Variants in HEPACAM observed in about 807,000 individuals in gnomAD.
The protein encoded by HEPACAM is hepatic and glial cell adhesion molecule, also known as hepatocyte cell adhesion molecule.
In HEPACAM, 18 loss-of-function variants were observed where a neutral mutation model predicts 38.3. The observed-to-expected ratio is 0.47, with a 90% CI of 0.33 to 0.70. HEPACAM has a LOEUF of 0.70. Ranked by LOEUF, HEPACAM falls within the 30% of genes least tolerant of loss-of-function variation. The pLI, the probability that HEPACAM is intolerant of heterozygous loss-of-function variation, is 0.03. For missense variants in HEPACAM, 466 were observed against 563.0 expected (o/e 0.83, Z 1.74); for synonymous variants, 216 against 243.1 (o/e 0.89, Z 1.04).
At chr11:124,935,009 C>G (rs2135409270) in intron 1 of HEPACAM, among the ~76,000 whole-genome samples, 1 of 152,232 alleles carries the variant, frequency 6.6e-6, no homozygotes, top group African/African-American at 2.4e-5. Flanking sequence ...AGCTGTTGAC[C>G]TTTGCTCATT....
chr11:124,922,847 C>T (rs752375423), intron 4 of HEPACAM, 29 bp from the exon 5 acceptor site: 6 of 1,611,826 alleles, frequency 3.7e-6, no homozygotes, highest in Non-Finnish European at 3.4e-6. Context: ...CCACTATGAG[C>T]CGAATTATTG....
At chr11:124,931,812 G>A (rs1357691335) in intron 1 of HEPACAM, among the ~76,000 whole-genome samples, 2 of 152,204 alleles carry the variant, frequency 1.3e-5, no homozygotes, top group Non-Finnish European at 2.9e-5. Flanking sequence ...AAGCCCCGAT[G>A]GGGCTAAGTT....
rs958335863 is a variant in HEPACAM, at chr11:124,920,585, C to T, written c.*553G>A. 1.6e-6 allele frequency: 2 copies of T among 1,230,520 alleles called. No homozygotes were observed. The highest frequency in any genetic ancestry group is 1.6e-5 in the African/African-American group (1 of 62,916). 76.2% of individuals were successfully genotyped at this position (1,230,520 alleles called of 1,614,324 possible). A position where few individuals can be genotyped will look rare whatever the true frequency, so the allele number is the denominator to read the frequency against. ...TCACAATGATCCCCCCAGCTCAGAA[C>T]AGCCCCTGCACACCCAGTAACCGGC... On this transcript the variant is annotated 3_prime_UTR_variant, in exon 7 of 7. Transcript: ENST00000298251.
rs886047925 is a variant in HEPACAM, at chr11:124,920,678, C to CGGA, written c.*459_*460insTCC. 4.0e-4 allele frequency: 228 copies of CGGA among 575,198 alleles called. 2 individuals carry two copies. The African/African-American group carries it at 7.9e-3, about 20-fold the overall frequency. 35.6% of individuals were successfully genotyped at this position (575,198 alleles called of 1,614,324 possible). ...AAGTGGCCTCTCTAATCTGAACTTGCAAAAAAAAAAAAAAAAAAAAAAAAA... is the reference window on the plus strand; with the variant it reads ...AAGTGGCCTCTCTAATCTGAACTTGCGGAAAAAAAAAAAAAAAAAAAAAAAAAA... On this transcript the variant is annotated 3_prime_UTR_variant, in exon 7 of 7. Transcript: ENST00000298251.
intron 1 of HEPACAM, among the ~76,000 whole-genome samples, chr11:124,925,975 C>A (rs1478290727): frequency 6.6e-6 from 1 of 152,140 alleles, no homozygotes; most frequent in African/African-American, 2.4e-5. Context: ...CCAAGATGGG[C>A]AGATCACCTG....
intron 1 of HEPACAM, among the ~76,000 whole-genome samples, chr11:124,925,887 T>G (rs962862965): frequency 1.3e-5 from 2 of 152,196 alleles, no homozygotes; most frequent in Non-Finnish European, 2.9e-5. Context: ...TACTCATTCT[T>G]CTCATTTGTA....
At chr11:124,927,939 C>A (rs1947238146) in intron 1 of HEPACAM, among the ~76,000 whole-genome samples, 1 of 152,110 alleles carries the variant, frequency 6.6e-6, no homozygotes, top group South Asian at 2.1e-4. Flanking sequence ...GAAGAGACAG[C>A]TCTACTGATT....
At position 124,919,846 on chromosome 11, in the gene HEPACAM, AAGG is replaced by A. The variant is rs527377754; in HGVS notation, c.*1289_*1291del. 2,141 of 1,614,136 alleles carry A rather than the reference AAGG, an allele frequency of 1.3e-3. 2 individuals carry two copies. The highest frequency in any genetic ancestry group is 1.7e-3 in the Non-Finnish European group (2,018 of 1,179,996). On this transcript the variant is annotated 3_prime_UTR_variant, in exon 7 of 7. Coordinates refer to ENST00000298251, the MANE Select transcript of HEPACAM (RefSeq NM_152722.5). ...GGATGCAAGGACCCTTGGAGGCATT[AAGG>A]AGGAGGGAATGGAATACACAGAGGG...
At chr11:124,934,420 G>A (rs1192028810) in intron 1 of HEPACAM, among the ~76,000 whole-genome samples, 1 of 150,856 alleles carries the variant, frequency 6.6e-6, no homozygotes, top group Non-Finnish European at 1.5e-5. Context: ...TTGGCAATGG[G>A]GTCACTGCAG....
At chr11:124,926,849 G>C (rs761745167) in intron 1 of HEPACAM, among the ~76,000 whole-genome samples, 22 of 152,018 alleles carry the variant, frequency 1.4e-4, no homozygotes, top group Non-Finnish European at 2.6e-4. Context: ...CGAAAAGGTT[G>C]GTGGTGAAGA....
rs1198557478 is a variant in HEPACAM at position 124,921,090 on chromosome 11, G to T, written c.*48C>A. The T allele has an allele frequency of 6.6e-7, 1 of 1,512,538 alleles. No individual in the cohort carries two copies. Among genetic ancestry groups the T allele is most frequent in the African/African-American group, 1.4e-5 (1 of 70,656 alleles). 93.7% of individuals were successfully genotyped at this position (1,512,538 alleles called of 1,614,324 possible). On this transcript the variant is annotated 3_prime_UTR_variant, in exon 7 of 7. Coordinates refer to ENST00000298251, the MANE Select transcript of HEPACAM (RefSeq NM_152722.5). This position sits in a 1 kb window ranked among gnomAD's most constrained non-coding sequence, Gnocchi z 4.6. ...CTTCCCAGCCCCAGCTTTCCCCCGG[G>T]CCACTGGCCGCAGACCGCGGGCGCC...
intron 1 of HEPACAM, among the ~76,000 whole-genome samples, chr11:124,933,233 G>A (rs146633621): frequency 1.7e-4 from 26 of 151,846 alleles, no homozygotes; most frequent in East Asian, 9.7e-4. Flanking sequence ...GTGCAGTGAC[G>A]TGATCATGGC....
In HEPACAM at chr11:124,919,938, A is replaced by G. The variant is rs758177602; in HGVS notation, c.*1200T>C. 1 of 1,613,948 alleles carries G rather than the reference A, an allele frequency of 6.2e-7. No homozygotes were observed. Among genetic ancestry groups the G allele is most frequent in the Non-Finnish European group, 8.5e-7 (1 of 1,179,982 alleles). On this transcript the variant is annotated 3_prime_UTR_variant, in exon 7 of 7. Coordinates refer to ENST00000298251, the MANE Select transcript of HEPACAM (RefSeq NM_152722.5). ...CACACAGTAGATTACTGCCACTCCT[A>G]TGAACTGTTCAATAGGCGGTGGCAT... is the stretch of plus-strand genomic sequence containing the variant.
intron 1 of HEPACAM, among the ~76,000 whole-genome samples, chr11:124,929,504 C>T (rs185301463): frequency 2.7e-4 from 41 of 152,170 alleles, no homozygotes; most frequent in African/African-American, 6.5e-4. Flanking sequence ...AGCCAAAGCA[C>T]GACACAGAAA....
At position 124,924,165 on chromosome 11, in the gene HEPACAM, C is replaced by A. The variant is rs892360293; in HGVS notation, c.428-155G>T. Among the ~76,000 whole-genome samples, 10 of 152,250 alleles carry A rather than the reference C, an allele frequency of 6.6e-5. No homozygotes were observed. The highest frequency in any genetic ancestry group is 6.5e-4 in the Admixed American group (10 of 15,292). ...TCAGACATCCTAAGTCCAGTTCTTT[C>A]CCATCGCTTATTCATTCGTTTCACT... On this transcript the variant is annotated intron_variant, in intron 2 of 6. Transcript: ENST00000298251. The surrounding 1 kb of genome is among the most constrained non-coding windows in gnomAD (Gnocchi z 4.4).
Position 124,924,752 on chromosome 11 carries a change from T to A in HEPACAM, c.403A>T (p.Lys135Ter). Residue 135 changes from lysine to a stop codon, truncating the protein, a stop_gained, in exon 2 of 7, where the codon AAG becomes TAG. Transcript: ENST00000298251. LOFTEE classifies it high-confidence loss of function. The surrounding 1 kb of genome is among the most constrained non-coding windows in gnomAD (Gnocchi z 4.4). ...CCATCTACAGTAAGGTTGATGGTCT[T>A]CTCCCCAGTGAAGGTGTCGTCGGTG... The part of the protein sequence containing the change: ...SITDDTFTGE[K>*]TINLTVDVPI... 1 of 1,614,086 alleles carries A rather than the reference T, an allele frequency of 6.2e-7. No homozygotes were observed. The highest frequency in any genetic ancestry group is 8.5e-7 in the Non-Finnish European group (1 of 1,179,990).
At chr11:124,927,117 G>A (rs986058063) in intron 1 of HEPACAM, among the ~76,000 whole-genome samples, 8 of 152,154 alleles carry the variant, frequency 5.3e-5, no homozygotes, top group African/African-American at 1.9e-4. Flanking sequence ...TGATCTGCCC[G>A]CCTCAGCCTC....
In HEPACAM at chr11:124,920,081, G is replaced by A; in HGVS notation, c.*1057C>T. On this transcript the variant is annotated 3_prime_UTR_variant, in exon 7 of 7. Coordinates refer to ENST00000298251, the MANE Select transcript of HEPACAM (RefSeq NM_152722.5). ...GCATGTGGGAGCAGGGCAGATGGGT[G>A]GCAGGAGGCCAGGGGTTGGATCATG... is the stretch of plus-strand genomic sequence containing the variant. 6.5e-7 allele frequency: 1 copy of A among 1,539,356 alleles called. No individual in the cohort carries two copies. The highest frequency in any genetic ancestry group is 1.4e-5 in the African/African-American group (1 of 72,678).
chr11:124,924,811 G>A lies in HEPACAM; in HGVS notation c.344C>T (p.Ala115Val). The A allele has an allele frequency of 6.2e-7, 1 of 1,614,072 alleles. No homozygotes were observed. The highest frequency in any genetic ancestry group is 1.1e-5 in the South Asian group (1 of 91,082). Residue 115 changes from alanine to valine, a missense_variant, in exon 2 of 7, where the codon GCC becomes GTC. By Grantham distance (64) the Ala-to-Val change is moderately conservative. Coordinates refer to ENST00000298251, the MANE Select transcript of HEPACAM (RefSeq NM_152722.5). The surrounding 1 kb of genome is among the most constrained non-coding windows in gnomAD (Gnocchi z 4.4). ...GSLLLSDLQLADEGTYEVEIS... is the reference protein window; with the variant it reads ...GSLLLSDLQLVDEGTYEVEIS... Reference sequence around the variant, plus strand: ...CTCGACCTCATAGGTGCCCTCATCGGCCAGCTGCAGGTCGCTGAGAAGCAG... The same window carrying A: ...CTCGACCTCATAGGTGCCCTCATCGACCAGCTGCAGGTCGCTGAGAAGCAG...
Sources: allele counts gnomAD v4.1 joint callset (sites outside exome capture counted in the v4.1 genomes callset), GRCh38; gene constraint gnomAD v4.1.1; non-coding constraint Gnocchi (gnomAD v3.1); transcripts MANE v1.5; gene names NCBI Gene and HGNC (gene_info 2026-07-23, HGNC 2026-07-21).